Variants in SERPINB12 observed in about 807,000 individuals in gnomAD.
The protein encoded by SERPINB12 is serpin B12.
In SERPINB12, 57 loss-of-function variants were observed where a neutral mutation model predicts 41.1. The observed-to-expected ratio is 1.39, with a 90% CI of 1.12 to 1.73. The LOEUF is 1.73. Among genes scored for constraint, SERPINB12 ranks in the 40% most tolerant of loss-of-function variants. SERPINB12 has a pLI of 0.00. For missense variants in SERPINB12, 536 were observed against 501.9 expected (o/e 1.07, Z -0.65); for synonymous variants, 180 against 181.3 (o/e 0.99, Z 0.06).
chr18:63,563,717 C>T (rs552667178), intron 5 of SERPINB12, among the ~76,000 whole-genome samples: 12 of 152,068 alleles, frequency 7.9e-5, no homozygotes, highest in Admixed American at 2.6e-4. Context: ...GCCAACATGG[C>T]GAAACCCCTT....
At position 63,549,497 on chromosome 18, in the gene SERPINB12, A is replaced by ATTGTG. The variant is rs371805254; in HGVS notation, c.-18-6644_-18-6640dup. Among the ~76,000 whole-genome samples the ATTGTG allele has an allele frequency of 5.2e-3, 797 of 152,172 alleles. 3 individuals are homozygous for ATTGTG. Among genetic ancestry groups the ATTGTG allele is most frequent in the African/African-American group, 0.019 (769 of 41,514 alleles). On this transcript the variant is annotated intron_variant, in intron 1 of 7. Coordinates refer to ENST00000382768, the MANE Select transcript of SERPINB12 (RefSeq NM_001307928.2). ...ATAGCTATGGTCAGTAGGAGGTGAC[A>ATTGTG]TTGTGGATAGTACATGGGAGCTATC...
At position 63,568,638 on chromosome 18, in the gene SERPINB12, G is replaced by A. The variant is rs1015557473; in HGVS notation, c.*1627G>A. On this transcript the variant is annotated 3_prime_UTR_variant, in exon 8 of 8. Transcript: ENST00000382768. Reference sequence around the variant, plus strand: ...GTCAGTCTCTTTCCTATCGAGGTGGGTTTCAGGTCTTGCTTGCGGCTCAGT... The same window carrying A: ...GTCAGTCTCTTTCCTATCGAGGTGGATTTCAGGTCTTGCTTGCGGCTCAGT... Among the ~76,000 whole-genome samples, 2 of 152,136 alleles carry A rather than the reference G, an allele frequency of 1.3e-5. No individual in the cohort carries two copies. The highest frequency in any genetic ancestry group is 2.4e-5 in the African/African-American group (1 of 41,412).
chr18:63,524,011 T>C, the SERPINB12 span, among the ~76,000 whole-genome samples: 2 of 151,888 alleles, frequency 1.3e-5, no homozygotes, highest in South Asian at 2.1e-4. Flanking sequence ...CAACCTTAAA[T>C]AGGGAAATTA....
chr18:63,556,434 C>T, intron 2 of SERPINB12, 107 bp downstream of exon 2: 1 of 1,006,186 alleles, frequency 9.9e-7, no homozygotes, highest in Non-Finnish European at 1.5e-6. Context: ...GCACCCTGGG[C>T]TTGGTCAGAA....
the SERPINB12 span, among the ~76,000 whole-genome samples, chr18:63,535,191 A>G: frequency 1.3e-5 from 2 of 152,184 alleles, no homozygotes; most frequent in Non-Finnish European, 2.9e-5. Flanking sequence ...GGATGCTAAC[A>G]TTTGAAAATG....
Position 63,567,666 on chromosome 18 carries a change from C to T in SERPINB12, c.*655C>T, listed in dbSNP as rs539500722. 6.6e-6 allele frequency among the ~76,000 whole-genome samples: 1 copy of T among 152,174 alleles called. No homozygotes were observed. Among genetic ancestry groups the T allele is most frequent in the Non-Finnish European group, 1.5e-5 (1 of 68,018 alleles). ...CACAGAGCAGGGGAATGATATTTGTCTTGTGATTTTGACACTGACCCAGGA... is the reference window on the plus strand; with the variant it reads ...CACAGAGCAGGGGAATGATATTTGTTTTGTGATTTTGACACTGACCCAGGA... On this transcript the variant is annotated 3_prime_UTR_variant, in exon 8 of 8. Coordinates refer to ENST00000382768, the MANE Select transcript of SERPINB12 (RefSeq NM_001307928.2).
upstream of SERPINB12, among the ~76,000 whole-genome samples, chr18:63,537,931 G>A (rs1838114637): frequency 6.6e-6 from 1 of 152,086 alleles, no homozygotes; most frequent in Non-Finnish European, 1.5e-5. Flanking sequence ...GTGGGATGAA[G>A]GCTATGGATG....
chr18:63,558,626 T>A, intron 3 of SERPINB12, 140 bp downstream of exon 3: 3 of 958,668 alleles, frequency 3.1e-6, no homozygotes, highest in Non-Finnish European at 4.5e-6. Context: ...ATGTGATCTG[T>A]GATTCCTGAG....
chr18:63,525,076 T>C, the SERPINB12 span, among the ~76,000 whole-genome samples: 1 of 152,164 alleles, frequency 6.6e-6, no homozygotes. Flanking sequence ...AGTTCTTTGG[T>C]TTTTAACCTT....
intron 1 of SERPINB12, among the ~76,000 whole-genome samples, chr18:63,543,370 G>A (rs1005950759): frequency 6.6e-6 from 1 of 152,072 alleles, no homozygotes; most frequent in African/African-American, 2.4e-5. Context: ...GTAGTGGAAT[G>A]CTTCATTCTG....
chr18:63,540,340 G>T (rs913835280), upstream of SERPINB12, among the ~76,000 whole-genome samples: 1 of 152,014 alleles, frequency 6.6e-6, no homozygotes, highest in Non-Finnish European at 1.5e-5. Context: ...AATTCAACAC[G>T]ATGCATTCCA....
chr18:63,540,225 G>T (rs554043778), upstream of SERPINB12, among the ~76,000 whole-genome samples: 38 of 152,292 alleles, frequency 2.5e-4, no homozygotes, highest in Non-Finnish European at 3.1e-4. Context: ...CCTGAAGAGA[G>T]TGGAGGTTGG....
intron 1 of SERPINB12, among the ~76,000 whole-genome samples, chr18:63,546,865 C>T (rs1380157415): frequency 6.6e-6 from 1 of 152,070 alleles, no homozygotes; most frequent in Non-Finnish European, 1.5e-5. Context: ...GAGGGAGGGG[C>T]AAAGTTGATA....
At chr18:63,539,569 A>G (rs2144541901), upstream of SERPINB12, among the ~76,000 whole-genome samples, 1 of 151,998 alleles carries the variant, frequency 6.6e-6, no homozygotes, top group African/African-American at 2.4e-5. Flanking sequence ...TATTACCTCC[A>G]CTCATCAGGT....
At chr18:63,565,758 G>C (rs369475436) in intron 7 of SERPINB12, 146 bp downstream of exon 7, 1 of 617,464 alleles carries the variant, frequency 1.6e-6, no homozygotes, top group African/African-American at 1.9e-5. Context: ...AATTAGATTA[G>C]ATATTTATTC....
the SERPINB12 span, among the ~76,000 whole-genome samples, chr18:63,536,495 T>C: frequency 6.6e-6 from 1 of 152,178 alleles, no homozygotes. Context: ...GTGATTCCAC[T>C]TTTTGCCATT....
At chr18:63,528,804 A>G in the SERPINB12 span, among the ~76,000 whole-genome samples, 1 of 152,184 alleles carries the variant, frequency 6.6e-6, no homozygotes, top group African/African-American at 2.4e-5. Context: ...ACTTGTCTTT[A>G]TATCAGAAAG....
intron 3 of SERPINB12, among the ~76,000 whole-genome samples, chr18:63,558,995 TTTCCTTCC>T (rs199549597): frequency 1.2e-4 from 14 of 120,788 alleles, no homozygotes; most frequent in African/African-American, 4.4e-4. Flanking sequence ...TCTTTCTTTC[TTTCCTTCC>T]TTCTTTCTTT....
chr18:63,528,618 G>A, the SERPINB12 span, among the ~76,000 whole-genome samples: 105,089 of 151,880 alleles, frequency 0.69, 36,572 homozygotes, highest in Middle Eastern at 0.74. Context: ...AGACATGTGT[G>A]GCCAAACCAA....
Sources: allele counts gnomAD v4.1 joint callset (sites outside exome capture counted in the v4.1 genomes callset), GRCh38; gene constraint gnomAD v4.1.1; transcripts MANE v1.5; gene names NCBI Gene and HGNC (gene_info 2026-07-23, HGNC 2026-07-21).